SRBD1: variants seen among roughly 807,000 people sequenced by gnomAD.
SRBD1 encodes S1 RNA-binding domain-containing protein 1.
In SRBD1, 88 loss-of-function variants were observed where a neutral mutation model predicts 115.3. The ratio of observed to expected loss-of-function variants is 0.76; its 90% CI spans 0.64 to 0.91. SRBD1 has a LOEUF of 0.91. Ranked by LOEUF, SRBD1 falls within the 40% of genes least tolerant of loss-of-function variation. SRBD1 has a pLI of 0.00. For synonymous variants in SRBD1, 509 were observed against 407.7 expected, an observed-to-expected ratio of 1.25 and a Z score of -2.99; for missense variants, 1,385 against 1,177.4, an observed-to-expected ratio of 1.18 and a Z score of -2.58.
chr2:45,541,572 G>A (rs958327356), intron 14 of SRBD1, among the ~76,000 whole-genome samples: 6 of 152,218 alleles, frequency 3.9e-5, no homozygotes, highest in South Asian at 2.1e-4. Flanking sequence ...GACCCAAAGC[G>A]GGCAGCTCCT....
intron 15 of SRBD1, among the ~76,000 whole-genome samples, chr2:45,487,175 G>T (rs191163313): frequency 1.3e-5 from 2 of 152,202 alleles, no homozygotes; most frequent in South Asian, 4.1e-4. Context: ...ATCTCTCCAG[G>T]TATAGATTTC....
intron 14 of SRBD1, among the ~76,000 whole-genome samples, chr2:45,513,591 C>A (rs899029418): frequency 6.6e-6 from 1 of 152,008 alleles, no homozygotes; most frequent in East Asian, 1.9e-4. Flanking sequence ...GAGTTTAGGA[C>A]CTATAAAGAA....
intron 14 of SRBD1, among the ~76,000 whole-genome samples, chr2:45,505,245 G>A (rs1481040503): frequency 6.6e-6 from 1 of 152,182 alleles, no homozygotes; most frequent in African/African-American, 2.4e-5. Flanking sequence ...AATGGCAGGT[G>A]TCAGAATGTC....
intron 19 of SRBD1, among the ~76,000 whole-genome samples, chr2:45,410,332 C>G (rs1231366347): frequency 6.6e-6 from 1 of 152,136 alleles, no homozygotes; most frequent in Admixed American, 6.5e-5. Context: ...TCCAAGAAAA[C>G]TGAACTTTCA....
chr2:45,580,207 T>G (rs983783002), intron 6 of SRBD1, among the ~76,000 whole-genome samples, 194 bp from the exon 7 acceptor site: 2 of 152,228 alleles, frequency 1.3e-5, no homozygotes, highest in Non-Finnish European at 2.9e-5. Flanking sequence ...TTTATCTTAT[T>G]CTTTATATTT....
chr2:45,537,857 C>G (rs1865686), intron 14 of SRBD1, among the ~76,000 whole-genome samples: 102,722 of 152,072 alleles, frequency 0.68, 35,795 homozygotes, highest in African/African-American at 0.82. Context: ...CTACCTCTGA[C>G]AGCACAGAAA....
chr2:45,549,950 G>C (rs1458360985), intron 12 of SRBD1, among the ~76,000 whole-genome samples: 4 of 151,818 alleles, frequency 2.6e-5, no homozygotes, highest in Admixed American at 2.6e-4. Flanking sequence ...ATGAATTCGA[G>C]ATGAAAGAAA....
intron 16 of SRBD1, among the ~76,000 whole-genome samples, chr2:45,421,628 G>A (rs1007708532): frequency 7.1e-6 from 1 of 141,446 alleles, no homozygotes; most frequent in Admixed American, 7.3e-5. Context: ...TTACAACAAT[G>A]AATACATTCG....
chr2:45,597,053 C>A (rs1187416545), intron 4 of SRBD1, among the ~76,000 whole-genome samples: 3 of 151,528 alleles, frequency 2.0e-5, no homozygotes, highest in Non-Finnish European at 4.4e-5. Context: ...TACAGTGAGG[C>A]CTCAGCACCC....
At chr2:45,463,126 A>G (rs1015362035) in intron 16 of SRBD1, among the ~76,000 whole-genome samples, 3 of 151,976 alleles carry the variant, frequency 2.0e-5, no homozygotes, top group Admixed American at 6.6e-5. Context: ...ATGTAACACA[A>G]CTGTCTATAG....
At chr2:45,562,214 G>C (rs1672686864) in intron 10 of SRBD1, among the ~76,000 whole-genome samples, 1 of 151,822 alleles carries the variant, frequency 6.6e-6, no homozygotes, top group East Asian at 1.9e-4. Context: ...GTCTGTTATT[G>C]GTGGGTTTTT....
chr2:45,582,864 G>A (rs1345574336), intron 5 of SRBD1, among the ~76,000 whole-genome samples: 1 of 152,100 alleles, frequency 6.6e-6, no homozygotes, highest in Non-Finnish European at 1.5e-5. Context: ...CACTGCTCAG[G>A]ATGGGCACAC....
chr2:45,475,569 A>G (rs1484254537), intron 16 of SRBD1, among the ~76,000 whole-genome samples: 1 of 152,228 alleles, frequency 6.6e-6, no homozygotes, highest in Non-Finnish European at 1.5e-5. Context: ...ATAGCTTATT[A>G]GCCTGCCCAG....
At chr2:45,407,573 C>T (rs929736748) in intron 19 of SRBD1, among the ~76,000 whole-genome samples, 3 of 152,162 alleles carry the variant, frequency 2.0e-5, no homozygotes, top group Admixed American at 1.3e-4. Context: ...CAGCCCCTAT[C>T]ACAGTGTTCT....
chr2:45,413,063 T>G (rs1231701052), intron 19 of SRBD1, 51 bp downstream of exon 19: 2 of 1,552,226 alleles, frequency 1.3e-6, no homozygotes, highest in Admixed American at 4.1e-5. Context: ...CCATTTGCTG[T>G]AAAGAACTCA....
At chr2:45,414,351 C>T (rs1042778857) in intron 18 of SRBD1, among the ~76,000 whole-genome samples, 1 of 151,670 alleles carries the variant, frequency 6.6e-6, no homozygotes, top group African/African-American at 2.4e-5. Context: ...GTGCAGAAAC[C>T]ACAAAAACTG....
At chr2:45,596,972 C>A (rs1673919154) in intron 4 of SRBD1, among the ~76,000 whole-genome samples, 1 of 138,674 alleles carries the variant, frequency 7.2e-6, no homozygotes, top group Non-Finnish European at 1.5e-5. Flanking sequence ...AACACACACA[C>A]CCACACCCAC....
chr2:45,589,089 G>A (rs760814741), intron 4 of SRBD1, among the ~76,000 whole-genome samples: 1 of 152,074 alleles, frequency 6.6e-6, no homozygotes, highest in Non-Finnish European at 1.5e-5. Context: ...ACCCATAGTA[G>A]GTATTTATTG....
chr2:45,513,262 C>T lies in SRBD1; in HGVS notation c.1875-24931G>A, dbSNP rs1254895091. Among the ~76,000 whole-genome samples the T allele has an allele frequency of 5.3e-5, 8 of 152,052 alleles. No homozygotes were observed. The South Asian group carries it at 1.0e-3, about 20-fold the overall frequency. ...TCATACGAAACTGTGTTAGCCCAAACGTAATCCCTAACTATTTCTTGCCAT... is the reference window on the plus strand; with the variant it reads ...TCATACGAAACTGTGTTAGCCCAAATGTAATCCCTAACTATTTCTTGCCAT... On this transcript the variant is annotated intron_variant, in intron 14 of 20. Coordinates refer to ENST00000263736, the MANE Select transcript of SRBD1 (RefSeq NM_018079.5).
Sources: allele counts gnomAD v4.1 joint callset (sites outside exome capture counted in the v4.1 genomes callset), GRCh38; gene constraint gnomAD v4.1.1; transcripts MANE v1.5; gene names NCBI Gene and HGNC (gene_info 2026-07-23, HGNC 2026-07-21).